COL5A1: variants seen among roughly 807,000 people sequenced by gnomAD.
COL5A1 encodes collagen type V alpha 1 chain, also known as collagen alpha-1(V) chain.
In COL5A1, 16 loss-of-function variants were observed where a neutral mutation model predicts 263.7. That is an observed-to-expected ratio of 0.06 (90% CI 0.04 to 0.09). The LOEUF (loss-of-function observed/expected upper bound fraction) is 0.09, where lower values mean the gene tolerates loss of function less well. Ranked by LOEUF, COL5A1 falls within the 10% of genes least tolerant of loss-of-function variation. The pLI is 1.00. For missense variants in COL5A1, 2,036 were observed against 2,540.5 expected (o/e 0.80, Z 4.27); for synonymous variants, 1,012 against 1,004.5 (o/e 1.01, Z -0.14).
In COL5A1 at chr9:134,806,174, C is replaced by G; in HGVS notation, c.3259-15C>G. 6.5e-7 allele frequency: 1 copy of G among 1,540,958 alleles called. No individual in the cohort carries two copies. Among genetic ancestry groups the G allele is most frequent in the Non-Finnish European group, 8.8e-7 (1 of 1,137,798 alleles). ...GAGAGCCTTTGAAGCAGACTGTTTT[C>G]TTGCTCCACCTCAGGGATCTCCAGG... On this transcript the variant is annotated splice_polypyrimidine_tract_variant and intron_variant, in intron 41 of 65. Coordinates refer to ENST00000371817, the MANE Select transcript of COL5A1 (RefSeq NM_000093.5).
chr9:134,713,846 G>A (rs975804419), intron 4 of COL5A1, among the ~76,000 whole-genome samples: 4 of 152,152 alleles, frequency 2.6e-5, no homozygotes, highest in African/African-American at 9.7e-5. Context: ...AGAGAAGGTG[G>A]GTGGAGTGGA....
intron 20 of COL5A1, 99 bp downstream of exon 20, chr9:134,763,836 T>TC: frequency 2.4e-6 from 3 of 1,230,480 alleles, no homozygotes; most frequent in Non-Finnish European, 2.3e-6. Flanking sequence ...GCCAGGAGCT[T>TC]AGAAGAGAGA....
At chr9:134,784,330 C>T (rs925276634) in intron 29 of COL5A1, among the ~76,000 whole-genome samples, 3 of 152,254 alleles carry the variant, frequency 2.0e-5, no homozygotes, top group Admixed American at 6.5e-5. Flanking sequence ...GAGGAGGATC[C>T]ATCCATTGCT....
At chr9:134,773,894 G>A (rs865948060) in intron 26 of COL5A1, among the ~76,000 whole-genome samples, 2 of 152,286 alleles carry the variant, frequency 1.3e-5, no homozygotes, top group Non-Finnish European at 2.9e-5. Flanking sequence ...CCCTCCCCTC[G>A]GCCCTTGGCT....
chr9:134,828,788 TAC>T (rs1192386421), intron 63 of COL5A1, among the ~76,000 whole-genome samples: 3 of 144,246 alleles, frequency 2.1e-5, no homozygotes, highest in Admixed American at 6.9e-5. Context: ...ATACACACCA[TAC>T]ACAGACATTA....
At chr9:134,759,415 CCACACT>C (rs1226126439) in intron 18 of COL5A1, among the ~76,000 whole-genome samples, 1 of 130,036 alleles carries the variant, frequency 7.7e-6, no homozygotes, top group Non-Finnish European at 1.6e-5. Flanking sequence ...CCACACACAC[CCACACT>C]CATACACACA....
intron 34 of COL5A1, among the ~76,000 whole-genome samples, chr9:134,795,661 G>T (rs1837881620): frequency 6.6e-6 from 1 of 152,206 alleles, no homozygotes; most frequent in Admixed American, 6.5e-5. Flanking sequence ...CTCTTGAAAG[G>T]GGTTTGAGAG....
intron 4 of COL5A1, among the ~76,000 whole-genome samples, chr9:134,705,357 C>G (rs1833803791): frequency 6.6e-6 from 1 of 152,252 alleles, no homozygotes; most frequent in South Asian, 2.1e-4. Flanking sequence ...TTGGCCGTGT[C>G]AGCAGCCCCC....
At chr9:134,762,764 A>G (rs56054814) in intron 19 of COL5A1, among the ~76,000 whole-genome samples, 7,931 of 152,232 alleles carry the variant, frequency 0.052, 251 homozygotes, top group African/African-American at 0.085. Context: ...TCAGGCTGAC[A>G]TGGACGGGGC....
chr9:134,785,308 C>G (rs762518914), intron 30 of COL5A1, among the ~76,000 whole-genome samples: 9 of 152,162 alleles, frequency 5.9e-5, no homozygotes, highest in Non-Finnish European at 8.8e-5. Context: ...TTCGCCCTTT[C>G]CCAGCCCTCC....
chr9:134,694,400 G>C (rs551071666), intron 2 of COL5A1, among the ~76,000 whole-genome samples: 44 of 152,236 alleles, frequency 2.9e-4, no homozygotes, highest in Non-Finnish European at 6.0e-4. Context: ...GAGTGATCTG[G>C]GTGCCAGGGA....
At chr9:134,822,723 C>G (rs546081309) in intron 59 of COL5A1, among the ~76,000 whole-genome samples, 7 of 150,476 alleles carry the variant, frequency 4.7e-5, no homozygotes, top group South Asian at 2.1e-4. Context: ...CCGCTGCGCC[C>G]CCCCCGCGGC....
At chr9:134,836,326 C>T (rs563514951) in intron 65 of COL5A1, among the ~76,000 whole-genome samples, 2 of 152,264 alleles carry the variant, frequency 1.3e-5, no homozygotes, top group South Asian at 4.1e-4. Flanking sequence ...CCCTTTTTAA[C>T]AATCAGCTCT....
intron 4 of COL5A1, chr9:134,708,717 C>T (rs748341850): frequency 1.6e-5 from 8 of 511,012 alleles, no homozygotes; most frequent in Admixed American, 4.0e-5. Context: ...GGGACAAGGA[C>T]ATTGCACTCT....
chr9:134,642,049 G>T lies in COL5A1; in HGVS notation c.-139G>T, dbSNP rs886063672. 236 of 701,472 alleles carry T rather than the reference G, an allele frequency of 3.4e-4. No homozygotes were observed. Among genetic ancestry groups the T allele is most frequent in the Middle Eastern group, 1.3e-3 (3 of 2,234 alleles). The allele number at this position is 701,472 out of a possible 1,614,324, so 43.5% of individuals were successfully genotyped here. A position where few individuals can be genotyped will look rare whatever the true frequency, so the allele number is the denominator to read the frequency against. ...AACAGCCGCCGCCACAAAGAAGAAC[G>T]GGGGGTGCCGAGGTCCCCATGACCT... On this transcript the variant is annotated 5_prime_UTR_variant, in exon 1 of 66. Transcript: ENST00000371817. The surrounding 1 kb of genome is among the most constrained non-coding windows in gnomAD (Gnocchi z 4.5).
rs554962436 is a variant in COL5A1 at position 134,772,617 on chromosome 9, C to T, written c.2287-173C>T. ...TTCAGGGCCTGGCGGCTCGGGGAGG[C>T]CGGGCTGTGCTTGGCTGCCTGGCCA... is the stretch of plus-strand genomic sequence containing the variant. On this transcript the variant is annotated intron_variant, in intron 25 of 65. Transcript: ENST00000371817. 1.6e-4 allele frequency among the ~76,000 whole-genome samples: 25 copies of T among 152,330 alleles called. No homozygotes were observed. In the South Asian group the frequency reaches 2.1e-3, roughly 13 times the overall value.
intron 18 of COL5A1, among the ~76,000 whole-genome samples, chr9:134,760,134 TCACATGTGCAGACACCACACATGCACACA>T (rs1588514856): frequency 4.7e-4 from 23 of 48,614 alleles, no homozygotes; most frequent in African/African-American, 1.5e-3. Flanking sequence ...ACCCCCACAC[TCACATGTGCAGACACCACACATGCACACA>T]CATACATGCA....
chr9:134,769,001 C>T (rs1305598341), intron 25 of COL5A1, among the ~76,000 whole-genome samples: 1 of 152,158 alleles, frequency 6.6e-6, no homozygotes, highest in East Asian at 1.9e-4. Context: ...GGAAGTAGAA[C>T]ACACTCAGAA....
intron 4 of COL5A1, 88 bp downstream of exon 4, chr9:134,701,421 G>A: frequency 1.5e-6 from 2 of 1,347,176 alleles, no homozygotes; most frequent in Middle Eastern, 2.3e-4. Flanking sequence ...AGGCTCCTCG[G>A]GCCGGGACCG....
Sources: gnomAD v4.1 joint callset for allele counts (sites outside exome capture counted in the v4.1 genomes callset) on GRCh38, gnomAD v4.1.1 for gene constraint, Gnocchi (gnomAD v3.1) non-coding constraint, MANE v1.5 for transcripts, NCBI Gene and HGNC (gene_info 2026-07-23, HGNC 2026-07-21) for gene names.